PLEKHA3: variants seen among roughly 807,000 people sequenced by gnomAD.
PLEKHA3 encodes pleckstrin homology domain-containing family A member 3.
PLEKHA3 carries 19 observed loss-of-function variants against 39.2 expected under a neutral mutation model. The observed-to-expected ratio is 0.48, with a 90% confidence interval of 0.34 to 0.71. The LOEUF (loss-of-function observed/expected upper bound fraction) is 0.71, where lower values mean the gene tolerates loss of function less well. PLEKHA3 is among the 30% of genes least tolerant of loss of function. The probability of loss-of-function intolerance (pLI) is 0.01; values close to 1 mark genes in which losing one functional copy is unlikely to be tolerated. For synonymous variants in PLEKHA3, 97 were observed against 118.6 expected (o/e 0.82, Z 1.18); for missense variants, 253 against 359.5 (o/e 0.70, Z 2.40).
chr2:178,498,849 CTAGA>C (rs1221310544), intron 5 of PLEKHA3, among the ~76,000 whole-genome samples: 1 of 151,938 alleles, frequency 6.6e-6, no homozygotes, highest in East Asian at 1.9e-4. Context: ...TTGTGGCTTG[CTAGA>C]TACTCCTTTT....
intron 1 of PLEKHA3, among the ~76,000 whole-genome samples, chr2:178,482,745 G>A (rs376397079): frequency 1.3e-5 from 2 of 152,138 alleles, no homozygotes; most frequent in Non-Finnish European, 2.9e-5. Context: ...ATAACCAGGG[G>A]TTGAGCTTTT....
chr2:178,480,782 C>A lies in PLEKHA3; in HGVS notation c.-88C>A. 1 of 1,182,036 alleles carries A rather than the reference C, an allele frequency of 8.5e-7. No individual in the cohort carries two copies. Among genetic ancestry groups the A allele is most frequent in the East Asian group, 3.0e-5 (1 of 32,880 alleles). The allele number at this position is 1,182,036 out of a possible 1,614,324, so 73.2% of individuals were successfully genotyped here. A position where few individuals can be genotyped will look rare whatever the true frequency, so the allele number is the denominator to read the frequency against. On this transcript the variant is annotated 5_prime_UTR_variant, in exon 1 of 8. Coordinates refer to ENST00000234453, the MANE Select transcript of PLEKHA3 (RefSeq NM_019091.4). ...TGCCGGCGGAGGGGGCCCGGGCGGG[C>A]CGGGAGGGGCTGCCCCAGGCCCTGC...
intron 7 of PLEKHA3, chr2:178,502,365 C>A: frequency 2.4e-6 from 1 of 425,454 alleles, no homozygotes; most frequent in South Asian, 1.7e-5. Context: ...GGAAAGAAAC[C>A]GGGAAGGGGA....
intron 5 of PLEKHA3, among the ~76,000 whole-genome samples, chr2:178,497,751 T>TTA: frequency 6.6e-6 from 1 of 152,284 alleles, no homozygotes; most frequent in Non-Finnish European, 1.5e-5. Context: ...AAGCTGTACT[T>TTA]TTTAGAGTCA....
At chr2:178,483,691 T>C (rs1685207880) in intron 1 of PLEKHA3, among the ~76,000 whole-genome samples, 1 of 152,202 alleles carries the variant, frequency 6.6e-6, no homozygotes, top group Admixed American at 6.5e-5. Flanking sequence ...CAAGGTAAAT[T>C]AGTGTTTGGA....
intron 7 of PLEKHA3, among the ~76,000 whole-genome samples, chr2:178,503,035 T>C (rs1426299436): frequency 6.6e-6 from 1 of 152,058 alleles, no homozygotes; most frequent in Admixed American, 6.6e-5. Flanking sequence ...AAAATATTCT[T>C]CTTGTGAGAT....
At position 178,499,263 on chromosome 2, in the gene PLEKHA3, A is replaced by G. The variant is rs1414786641; in HGVS notation, c.659+9A>G. On this transcript the variant is annotated intron_variant, in intron 6 of 7. Coordinates refer to ENST00000234453, the MANE Select transcript of PLEKHA3 (RefSeq NM_019091.4). ...TCTTGCAGTTCAGAGAGGTAAAAGA[A>G]CCTTTTCTTCTGACTAAGTTCTCTC... is the stretch of plus-strand genomic sequence containing the variant. 4.3e-6 allele frequency: 7 copies of G among 1,610,372 alleles called. No homozygotes were observed. The highest frequency in any genetic ancestry group is 5.9e-6 in the Non-Finnish European group (7 of 1,178,590).
intron 1 of PLEKHA3, among the ~76,000 whole-genome samples, chr2:178,484,721 C>T (rs1263593642): frequency 6.6e-6 from 1 of 152,202 alleles, no homozygotes; most frequent in Non-Finnish European, 1.5e-5. Flanking sequence ...CCAGCATGGT[C>T]ACCATGTTAA....
rs1365384701 is a variant in PLEKHA3, at chr2:178,512,041, G to A, written c.*8154G>A. 2 of 152,144 alleles carry A rather than the reference G, an allele frequency of 1.3e-5. No homozygotes were observed. The highest frequency in any genetic ancestry group is 4.8e-5 in the African/African-American group (2 of 41,400). The allele number at this position is 152,144 out of a possible 1,614,324, so 9.4% of individuals were successfully genotyped here. A position where few individuals can be genotyped will look rare whatever the true frequency, so the allele number is the denominator to read the frequency against. On this transcript the variant is annotated 3_prime_UTR_variant, in exon 8 of 8. Coordinates refer to ENST00000234453, the MANE Select transcript of PLEKHA3 (RefSeq NM_019091.4). ...CTTATAACAGAGATGCGGAAGTACA[G>A]GACTACCAGTGCAGCCAAGATGCAC...
intron 3 of PLEKHA3, among the ~76,000 whole-genome samples, chr2:178,492,175 A>G (rs900031503): frequency 9.9e-5 from 15 of 152,116 alleles, no homozygotes; most frequent in Admixed American, 6.5e-4. Context: ...ATGCAAATTA[A>G]TTACATTAGT....
At chr2:178,492,148 ATTAC>A (rs1185980313) in intron 3 of PLEKHA3, among the ~76,000 whole-genome samples, 5 of 152,014 alleles carry the variant, frequency 3.3e-5, no homozygotes, top group Non-Finnish European at 5.9e-5. Flanking sequence ...TTAAGTATGT[ATTAC>A]TTATATAATT....
At chr2:178,493,216 T>C (rs1027295636) in intron 3 of PLEKHA3, among the ~76,000 whole-genome samples, 3 of 152,206 alleles carry the variant, frequency 2.0e-5, no homozygotes, top group Non-Finnish European at 4.4e-5. Flanking sequence ...CTGGACATAC[T>C]AAGGAAGAAA....
At chr2:178,486,337 T>C (rs1685250054) in intron 2 of PLEKHA3, among the ~76,000 whole-genome samples, 1 of 152,170 alleles carries the variant, frequency 6.6e-6, no homozygotes, top group African/African-American at 2.4e-5. Context: ...TTGGAGTGTG[T>C]GGGGTGGAGG....
At chr2:178,500,108 T>G (rs1307175342) in intron 6 of PLEKHA3, among the ~76,000 whole-genome samples, 1 of 152,166 alleles carries the variant, frequency 6.6e-6, no homozygotes, top group African/African-American at 2.4e-5. Flanking sequence ...TGTTAAACTA[T>G]TATTTTGTTA....
At chr2:178,483,371 A>T (rs1305484275) in intron 1 of PLEKHA3, among the ~76,000 whole-genome samples, 1 of 152,112 alleles carries the variant, frequency 6.6e-6, no homozygotes, top group Non-Finnish European at 1.5e-5. Context: ...AAAAGGGAAT[A>T]CCTGTGAATC....
At chr2:178,487,284 G>T (rs1685265278) in intron 2 of PLEKHA3, among the ~76,000 whole-genome samples, 1 of 152,174 alleles carries the variant, frequency 6.6e-6, no homozygotes, top group Non-Finnish European at 1.5e-5. Flanking sequence ...GGTGTTAGGG[G>T]ATTCTGGCTA....
In PLEKHA3 at chr2:178,508,055, GTGTGTGT is replaced by G. The variant is rs1685631665; in HGVS notation, c.*4169_*4175del. The G allele has an allele frequency of 1.1e-5, 1 of 91,560 alleles. No homozygotes were observed. The highest frequency in any genetic ancestry group is 1.1e-4 in the Admixed American group (1 of 9,452). 5.7% of individuals were successfully genotyped at this position (91,560 alleles called of 1,614,324 possible). On this transcript the variant is annotated 3_prime_UTR_variant, in exon 8 of 8. Transcript: ENST00000234453. ...ATTTGTCTGCTTCAGTTCTGGGTGT[GTGTGTGT>G]GTGTGTGTGTGTGTGTGTGTGTGTG...
chr2:178,484,869 T>C (rs1219509135), intron 1 of PLEKHA3, among the ~76,000 whole-genome samples: 1 of 152,224 alleles, frequency 6.6e-6, no homozygotes, highest in Non-Finnish European at 1.5e-5. Flanking sequence ...TGGAGCCAAG[T>C]CTGTGATAGA....
At chr2:178,487,687 G>T (rs1685271985) in intron 2 of PLEKHA3, among the ~76,000 whole-genome samples, 1 of 152,244 alleles carries the variant, frequency 6.6e-6, no homozygotes, top group Non-Finnish European at 1.5e-5. Context: ...TAAGCAATCT[G>T]CCCGCTTTGG....
Sources: allele counts gnomAD v4.1 joint callset (sites outside exome capture counted in the v4.1 genomes callset), GRCh38; gene constraint gnomAD v4.1.1; transcripts MANE v1.5; gene names NCBI Gene and HGNC (gene_info 2026-07-23, HGNC 2026-07-21).